DAB2IP: variants seen among roughly 807,000 people sequenced by gnomAD.
DAB2IP encodes DAB2 interacting protein.
In DAB2IP, 28 loss-of-function variants were observed where a neutral mutation model predicts 107.2. The observed-to-expected ratio is 0.26, with a 90% CI of 0.19 to 0.36. The LOEUF (loss-of-function observed/expected upper bound fraction) is 0.36. Among genes scored for constraint, DAB2IP ranks in the 10% least tolerant of loss-of-function variants. DAB2IP has a pLI of 1.00. For missense variants in DAB2IP, 1,400 were observed against 1,644.7 expected (o/e 0.85, Z 2.57); for synonymous variants, 755 against 706.4 (o/e 1.07, Z -1.09).
upstream of DAB2IP, among the ~76,000 whole-genome samples, chr9:121,648,771 G>A (rs573642800): frequency 3.9e-5 from 6 of 152,248 alleles, no homozygotes; most frequent in Non-Finnish European, 7.4e-5. Context: ...CTGGAGGTGG[G>A]AGAATAAGAC....
In DAB2IP at chr9:121,702,441, A is replaced by T. The variant is rs1280096606; in HGVS notation, c.362+2983A>T. On this transcript the variant is annotated intron_variant, in intron 3 of 15. Coordinates refer to ENST00000408936, the Ensembl canonical transcript of DAB2IP. This position sits in a 1 kb window ranked among gnomAD's most constrained non-coding sequence, Gnocchi z 4.5. ...AGGACAGGCTTGAGCCTTCGGACTT[A>T]TTCTTCTGAAACGGCCTCAGGGGAG... Among the ~76,000 whole-genome samples the T allele has an allele frequency of 6.6e-6, 1 of 152,024 alleles. No homozygotes were observed. The highest frequency in any genetic ancestry group is 1.5e-5 in the Non-Finnish European group (1 of 67,996).
chr9:121,694,137 AG>A (rs1417827835), intron 2 of DAB2IP, among the ~76,000 whole-genome samples: 1 of 152,124 alleles, frequency 6.6e-6, no homozygotes, highest in East Asian at 1.9e-4. Flanking sequence ...TTGGTCCTTG[AG>A]GCCTAGTACA....
intron 3 of DAB2IP, among the ~76,000 whole-genome samples, chr9:121,700,598 C>T (rs1829720409): frequency 6.6e-6 from 1 of 152,192 alleles, no homozygotes; most frequent in Non-Finnish European, 1.5e-5. Flanking sequence ...AATGTCTCTC[C>T]CCTCCCCCTT....
chr9:121,681,838 C>A (rs971213062), intron 2 of DAB2IP, among the ~76,000 whole-genome samples: 5 of 152,146 alleles, frequency 3.3e-5, no homozygotes, highest in Non-Finnish European at 7.3e-5. Context: ...ATTTCAGTAG[C>A]CACTGAGCCT....
chr9:121,731,789 G>A (rs1831555127), intron 3 of DAB2IP, among the ~76,000 whole-genome samples: 1 of 152,104 alleles, frequency 6.6e-6, no homozygotes, highest in Non-Finnish European at 1.5e-5. Context: ...GTGTAGAGCA[G>A]GATCTCCCTG....
chr9:121,747,388 C>T (rs1832791463), intron 3 of DAB2IP, among the ~76,000 whole-genome samples: 1 of 150,112 alleles, frequency 6.7e-6, no homozygotes, highest in Admixed American at 6.6e-5. Flanking sequence ...CGCTCTGTCG[C>T]CCAGGCTGGA....
chr9:121,572,181 C>T (rs1313837174), intron 1 of DAB2IP, among the ~76,000 whole-genome samples: 1 of 152,088 alleles, frequency 6.6e-6, no homozygotes, highest in East Asian at 1.9e-4. Context: ...TTTTGGAGTC[C>T]TGCTATTTCT....
intron 1 of DAB2IP, among the ~76,000 whole-genome samples, chr9:121,612,629 TCCCTCTCTCCCTTCCGA>T (rs1831135206): frequency 6.6e-6 from 1 of 152,136 alleles, no homozygotes; most frequent in Non-Finnish European, 1.5e-5. Context: ...CTGCTGCTCC[TCCCTCTCTCCCTTCCGA>T]GAACCGCCAG....
chr9:121,699,547 G>A lies in DAB2IP; in HGVS notation c.362+89G>A. The A allele has an allele frequency of 8.9e-7, 1 of 1,121,990 alleles. No individual in the cohort carries two copies. The highest frequency in any genetic ancestry group is 1.1e-6 in the Non-Finnish European group (1 of 911,466). The allele number at this position is 1,121,990 out of a possible 1,614,324, so 69.5% of individuals were successfully genotyped here. A position where few individuals can be genotyped will look rare whatever the true frequency, so the allele number is the denominator to read the frequency against. ...GGGGACAAAGCGCGAGCCCGGCCCG[G>A]GGCGAGCCACACGGCGGTGGGGGGA... On this transcript the variant is annotated intron_variant, in intron 3 of 15. Transcript: ENST00000408936. This position sits in a 1 kb window ranked among gnomAD's most constrained non-coding sequence, Gnocchi z 6.2.
At position 121,759,834 on chromosome 9, in the gene DAB2IP, GT is replaced by G. The variant is rs751186623; in HGVS notation, c.616-49del. On this transcript the variant is annotated intron_variant, in intron 5 of 15. Coordinates refer to ENST00000408936, the Ensembl canonical transcript of DAB2IP. The stretch of plus-strand genomic sequence containing the variant: ...CTCTCAGGCTCTGGGCTGGTTGGGG[GT>G]TGCACGTGGCACCCCCAGCTGACCA... 3 of 1,527,754 alleles carry G rather than the reference GT, an allele frequency of 2.0e-6. No individual in the cohort carries two copies. In the South Asian group the frequency reaches 3.8e-5, roughly 19 times the overall value. The allele number at this position is 1,527,754 out of a possible 1,614,324, so 94.6% of individuals were successfully genotyped here.
chr9:121,579,005 C>G (rs1024206055), intron 1 of DAB2IP, among the ~76,000 whole-genome samples: 1 of 152,068 alleles, frequency 6.6e-6, no homozygotes, highest in Admixed American at 6.5e-5. Context: ...CCAGGGCTTT[C>G]TCTTGGGGCA....
chr9:121,689,134 A>T (rs1589520076), intron 2 of DAB2IP, among the ~76,000 whole-genome samples: 1 of 152,072 alleles, frequency 6.6e-6, no homozygotes, highest in East Asian at 1.9e-4. Context: ...CTCTATTAAA[A>T]ACACAAAAAA....
chr9:121,763,798 C>G, exon 8 of DAB2IP: 1 of 1,614,124 alleles, frequency 6.2e-7, no homozygotes, highest in Non-Finnish European at 8.5e-7. Context: ...AGCAAGTGCT[C>G]GGCCGCTGAC....
At chr9:121,567,337 TG>T in intron 1 of DAB2IP, 1 of 1,530,186 alleles carries the variant, frequency 6.5e-7, no homozygotes, top group Non-Finnish European at 9.0e-7. Context: ...GTCAGGCATC[TG>T]GGCACTGTCT....
chr9:121,716,725 G>T (rs1830621986), intron 3 of DAB2IP, among the ~76,000 whole-genome samples: 1 of 152,156 alleles, frequency 6.6e-6, no homozygotes, highest in Non-Finnish European at 1.5e-5. Context: ...GGAGCCACAT[G>T]CCTGAGGCCC....
At chr9:121,783,348 CTG>C in exon 16 of DAB2IP, 1 of 1,467,736 alleles carries the variant, frequency 6.8e-7, no homozygotes, top group Non-Finnish European at 9.0e-7. Flanking sequence ...CCAGATGGCT[CTG>C]AGCACTGTAT....
intron 1 of DAB2IP, among the ~76,000 whole-genome samples, chr9:121,653,948 T>C (rs1467216086): frequency 6.6e-6 from 1 of 152,156 alleles, no homozygotes; most frequent in East Asian, 1.9e-4. Flanking sequence ...GGAGGTGACA[T>C]TTGGATGGGA....
intron 2 of DAB2IP, among the ~76,000 whole-genome samples, chr9:121,692,625 G>A (rs1176214313): frequency 6.6e-6 from 1 of 152,166 alleles, no homozygotes; most frequent in Admixed American, 6.5e-5. Flanking sequence ...CGGAATATGT[G>A]GCGATCTCAC....
chr9:121,783,810 T>C, exon 16 of DAB2IP: 2 of 548,076 alleles, frequency 3.6e-6, no homozygotes, highest in South Asian at 4.6e-5. Flanking sequence ...TTCTGTAGCT[T>C]ATCTGCCCCT....
Sources: allele counts gnomAD v4.1 joint callset (sites outside exome capture counted in the v4.1 genomes callset), GRCh38; gene constraint gnomAD v4.1.1; non-coding constraint Gnocchi (gnomAD v3.1); transcripts MANE v1.5; gene names NCBI Gene and HGNC (gene_info 2026-07-23, HGNC 2026-07-21).